Variants in MYL11 observed in about 807,000 individuals in gnomAD.
MYL11 encodes the protein myosin light chain 11.
chr16:30,377,119 A>T, the MYL11 span, among the ~76,000 whole-genome samples: 1 of 152,112 alleles, frequency 6.6e-6, no homozygotes, highest in African/African-American at 2.4e-5. Flanking sequence ...AGACTGGGAC[A>T]TGAGAATCGC....
At chr16:30,375,293 C>T in the MYL11 span, among the ~76,000 whole-genome samples, 2 of 152,020 alleles carry the variant, frequency 1.3e-5, no homozygotes, top group African/African-American at 2.4e-5. Flanking sequence ...GGCGAAACCC[C>T]GTCTCTACTA....
chr16:30,374,447 G>A, the MYL11 span, among the ~76,000 whole-genome samples: 1 of 152,104 alleles, frequency 6.6e-6, no homozygotes, highest in Non-Finnish European at 1.5e-5. Flanking sequence ...GCACCCAGAC[G>A]TTTACTGGGT....
chr16:30,375,942 C>T, the MYL11 span: 1 of 1,608,402 alleles, frequency 6.2e-7, no homozygotes, highest in Non-Finnish European at 8.5e-7. Flanking sequence ...AACTGGAAGG[C>T]TGACCAAAAG....
At chr16:30,375,433 C>A in the MYL11 span, among the ~76,000 whole-genome samples, 1 of 150,326 alleles carries the variant, frequency 6.7e-6, no homozygotes, top group Non-Finnish European at 1.5e-5. Context: ...GCACCGCACT[C>A]CAGCCTGGGT....
the MYL11 span, chr16:30,375,779 G>T: frequency 6.5e-7 from 1 of 1,534,514 alleles, no homozygotes; most frequent in East Asian, 2.3e-5. Context: ...GAGGTGGAGG[G>T]ACTGGTCCAT....
chr16:30,375,982 G>C, the MYL11 span: 1 of 1,544,752 alleles, frequency 6.5e-7, no homozygotes, highest in Non-Finnish European at 8.9e-7. Context: ...CCTGGAATGT[G>C]CACCTGCTTG....
At chr16:30,377,897 G>A in the MYL11 span, 1 of 1,603,854 alleles carries the variant, frequency 6.2e-7, no homozygotes, top group South Asian at 1.1e-5. Flanking sequence ...AGGACCAGGA[G>A]TAGGGGCACC....
At chr16:30,376,125 C>A in the MYL11 span, 3 of 1,611,518 alleles carry the variant, frequency 1.9e-6, no homozygotes, top group Non-Finnish European at 2.5e-6. Flanking sequence ...CCTAACCCTC[C>A]CCACCACGGC....
chr16:30,373,704 G>A, the MYL11 span, among the ~76,000 whole-genome samples: 2 of 150,756 alleles, frequency 1.3e-5, no homozygotes, highest in Admixed American at 6.6e-5. Flanking sequence ...GGAGGTTGCA[G>A]TAAGCCGAGA....
the MYL11 span, among the ~76,000 whole-genome samples, chr16:30,374,352 GCC>G: frequency 1.3e-5 from 2 of 150,942 alleles, no homozygotes; most frequent in African/African-American, 4.9e-5. Context: ...TCACTATGTT[GCC>G]CAGGCTGGTC....
At chr16:30,377,746 G>T in the MYL11 span, 1 of 1,593,470 alleles carries the variant, frequency 6.3e-7, no homozygotes, top group South Asian at 1.1e-5. Flanking sequence ...AAGGGGCTGG[G>T]GCCGGGGAGA....
At chr16:30,376,265 C>A in the MYL11 span, 1 of 1,601,740 alleles carries the variant, frequency 6.2e-7, no homozygotes, top group South Asian at 1.1e-5. Context: ...GCTGCAGAGT[C>A]TAGGAAATTC....
the MYL11 span, chr16:30,374,848 G>T: frequency 6.2e-7 from 1 of 1,613,556 alleles, no homozygotes; most frequent in Non-Finnish European, 8.5e-7. Flanking sequence ...GCCCCCCGGA[G>T]ACTGAAGACA....
At chr16:30,376,532 G>A in the MYL11 span, 1 of 1,614,074 alleles carries the variant, frequency 6.2e-7, no homozygotes, top group Non-Finnish European at 8.5e-7. Context: ...TCAAGGGTGA[G>A]TGGAGTGTCC....
chr16:30,374,158 GA>G, the MYL11 span, among the ~76,000 whole-genome samples: 26 of 149,018 alleles, frequency 1.7e-4, no homozygotes, highest in Admixed American at 1.1e-3. Flanking sequence ...TAAAAATACA[GA>G]AAAAAAAAAT....
the MYL11 span, chr16:30,376,769 C>T: frequency 6.2e-6 from 9 of 1,459,816 alleles, no homozygotes; most frequent in Non-Finnish European, 8.5e-6. Context: ...TGACAGCCTC[C>T]TTAAATTTCT....
At chr16:30,376,021 C>A in the MYL11 span, 1 of 1,479,092 alleles carries the variant, frequency 6.8e-7, no homozygotes, top group Non-Finnish European at 9.3e-7. Context: ...GAATTCCTTC[C>A]TCCCCTCTCT....
At chr16:30,377,179 C>G in the MYL11 span, among the ~76,000 whole-genome samples, 1 of 151,800 alleles carries the variant, frequency 6.6e-6, no homozygotes, top group Non-Finnish European at 1.5e-5. Flanking sequence ...CGCCACTGCC[C>G]TCCAACCTGG....
chr16:30,376,314 G>A, the MYL11 span: 3 of 1,554,236 alleles, frequency 1.9e-6, no homozygotes, highest in Admixed American at 1.7e-5. Flanking sequence ...TCCACCTTGG[G>A]CCTCAGTCTA....
Sources: allele counts gnomAD v4.1 joint callset (sites outside exome capture counted in the v4.1 genomes callset), GRCh38; gene constraint gnomAD v4.1.1; transcripts MANE v1.5; gene names NCBI Gene and HGNC (gene_info 2026-07-23, HGNC 2026-07-21).